The following ERBB4 variants were observed in gnomAD, a reference collection of about 807,000 sequenced individuals.
The protein encoded by ERBB4 is receptor tyrosine-protein kinase erbB-4.
A neutral mutation model predicts 158.0 loss-of-function variants in ERBB4; 42 were observed. That is an observed-to-expected ratio of 0.27 (90% CI 0.21 to 0.34). ERBB4 has a LOEUF of 0.34. ERBB4 is among the 10% of genes least tolerant of loss of function. The probability of loss-of-function intolerance (pLI) is 1.00; values close to 1 mark genes in which losing one functional copy is unlikely to be tolerated. For synonymous variants in ERBB4, 583 were observed against 558.7 expected, an observed-to-expected ratio of 1.04 and a Z score of -0.61; for missense variants, 1,333 against 1,624.1, an observed-to-expected ratio of 0.82 and a Z score of 3.08.
chr2:212,228,408 G>T (rs1278849951), intron 1 of ERBB4, among the ~76,000 whole-genome samples: 2 of 152,124 alleles, frequency 1.3e-5, no homozygotes, highest in Non-Finnish European at 2.9e-5. Context: ...ATATATCTTA[G>T]AGTACAATAC....
intron 1 of ERBB4, among the ~76,000 whole-genome samples, chr2:212,356,892 C>T (rs1371638550): frequency 2.6e-5 from 4 of 151,782 alleles, no homozygotes; most frequent in Admixed American, 2.0e-4. Context: ...CATAGAAACA[C>T]CATACTGACT....
intron 20 of ERBB4, among the ~76,000 whole-genome samples, chr2:211,464,892 TA>T (rs1490715051): frequency 1.3e-5 from 2 of 151,744 alleles, no homozygotes; most frequent in Non-Finnish European, 1.5e-5. Context: ...GATTGCATAT[TA>T]ACAAGCACAA....
At chr2:211,512,649 G>A (rs902757720) in intron 20 of ERBB4, among the ~76,000 whole-genome samples, 4 of 151,846 alleles carry the variant, frequency 2.6e-5, no homozygotes, top group South Asian at 2.1e-4. Context: ...GGCAAAACAC[G>A]TTTGCTTTTC....
intron 1 of ERBB4, among the ~76,000 whole-genome samples, chr2:212,275,491 T>C (rs190544095): frequency 1.3e-5 from 2 of 152,070 alleles, no homozygotes; most frequent in Admixed American, 6.6e-5. Context: ...GGTATCTCAT[T>C]GTGGTTTTGA....
At chr2:211,399,669 G>A (rs998003787) in intron 25 of ERBB4, among the ~76,000 whole-genome samples, 2 of 151,966 alleles carry the variant, frequency 1.3e-5, no homozygotes, top group African/African-American at 2.4e-5. Flanking sequence ...CTTACAAATG[G>A]GTGAGTGATT....
chr2:212,276,908 G>A (rs147744140), intron 1 of ERBB4, among the ~76,000 whole-genome samples: 187 of 151,916 alleles, frequency 1.2e-3, no homozygotes, highest in African/African-American at 4.4e-3. Flanking sequence ...ATGACATAGT[G>A]TTTAGTGTTC....
At chr2:212,462,742 C>A (rs1442038718) in intron 1 of ERBB4, among the ~76,000 whole-genome samples, 1 of 152,052 alleles carries the variant, frequency 6.6e-6, no homozygotes, top group Non-Finnish European at 1.5e-5. Context: ...TTCAGCAATT[C>A]CACTACTGGG....
At chr2:211,931,100 T>A (rs912902911) in intron 3 of ERBB4, among the ~76,000 whole-genome samples, 1 of 152,148 alleles carries the variant, frequency 6.6e-6, no homozygotes, top group Non-Finnish European at 1.5e-5. Context: ...GCACCACTGT[T>A]AAGCCTTGGC....
intron 1 of ERBB4, among the ~76,000 whole-genome samples, chr2:212,323,546 G>A (rs2087668618): frequency 6.7e-6 from 1 of 150,130 alleles, no homozygotes; most frequent in Non-Finnish European, 1.5e-5. Context: ...TCAGCTGTGT[G>A]GCCTTCAGGA....
rs185411441 is a variant in ERBB4 at position 212,466,149 on chromosome 2, A to G, written c.82+72300T>C. 1.6e-4 allele frequency among the ~76,000 whole-genome samples: 24 copies of G among 152,362 alleles called. No individual in the cohort carries two copies. In the East Asian group the frequency reaches 3.9e-3, roughly 24 times the overall value. On this transcript the variant is annotated intron_variant, in intron 1 of 27. Transcript: ENST00000342788. ...ACTTTAAAAGCTTAAAATCATAATT[A>G]TAATTCCAACAGTAGTGACTTTTGT...
At chr2:211,712,933 T>G (rs1008342251) in intron 8 of ERBB4, among the ~76,000 whole-genome samples, 3 of 152,092 alleles carry the variant, frequency 2.0e-5, no homozygotes, top group African/African-American at 7.2e-5. Flanking sequence ...GATTTAGACT[T>G]TATTTTCATC....
rs1245440985 is a variant in ERBB4 at position 211,381,821 on chromosome 2, A to G, written c.*1794T>C. On this transcript the variant is annotated 3_prime_UTR_variant, in exon 28 of 28. Coordinates refer to ENST00000342788, the MANE Select transcript of ERBB4 (RefSeq NM_005235.3). ...ATTCTAATTTGGTCCCAATATTTTA[A>G]CATTAGAAATATTTTTTAAAAATCT... 1 of 228,870 alleles carries G rather than the reference A, an allele frequency of 4.4e-6. No individual in the cohort carries two copies. The highest frequency in any genetic ancestry group is 2.2e-5 in the African/African-American group (1 of 45,110). 14.2% of individuals were successfully genotyped at this position (228,870 alleles called of 1,614,324 possible). A position where few individuals can be genotyped will look rare whatever the true frequency, so the allele number is the denominator to read the frequency against.
rs1397944945 is a variant in ERBB4 at position 211,735,725 on chromosome 2, G to A, written c.623-10531C>T. 7.9e-5 allele frequency among the ~76,000 whole-genome samples: 12 copies of A among 152,114 alleles called. No individual in the cohort carries two copies. In the East Asian group the frequency reaches 1.7e-3, roughly 22 times the overall value. On this transcript the variant is annotated intron_variant, in intron 5 of 27. Coordinates refer to ENST00000342788, the MANE Select transcript of ERBB4 (RefSeq NM_005235.3). The stretch of plus-strand genomic sequence containing the variant: ...AGACCCAGAGAGGGCCAACACTGAA[G>A]TCTATACCTCAGAAAAAGAGACCTT...
chr2:211,843,583 AT>A (rs1448413352), intron 3 of ERBB4, among the ~76,000 whole-genome samples: 1 of 125,856 alleles, frequency 7.9e-6, no homozygotes, highest in African/African-American at 2.9e-5. Context: ...TAAACAAGTG[AT>A]TGGATGGCAG....
At chr2:211,972,915 T>C (rs1318411231) in intron 2 of ERBB4, among the ~76,000 whole-genome samples, 2 of 152,092 alleles carry the variant, frequency 1.3e-5, no homozygotes, top group Non-Finnish European at 2.9e-5. Context: ...TGGGATATAA[T>C]TAAACTAAAG....
At chr2:211,625,282 A>C (rs1180331275) in intron 17 of ERBB4, among the ~76,000 whole-genome samples, 6 of 152,156 alleles carry the variant, frequency 3.9e-5, no homozygotes, top group Non-Finnish European at 5.9e-5. Context: ...ACTACTACTC[A>C]AACTGTCTTG....
At chr2:212,170,805 A>T (rs1234777002) in intron 1 of ERBB4, among the ~76,000 whole-genome samples, 1 of 152,166 alleles carries the variant, frequency 6.6e-6, no homozygotes, top group African/African-American at 2.4e-5. Flanking sequence ...ATTTCAGAGG[A>T]TGTATGGAAA....
At chr2:211,984,085 T>A (rs1210612067) in intron 2 of ERBB4, among the ~76,000 whole-genome samples, 1 of 152,092 alleles carries the variant, frequency 6.6e-6, no homozygotes, top group Non-Finnish European at 1.5e-5. Flanking sequence ...AAATCCAAGA[T>A]CAAGGTGCCA....
rs574983795 is a variant in ERBB4, at chr2:211,842,323, A to G, written c.422-54164T>C. 4.6e-5 allele frequency among the ~76,000 whole-genome samples: 7 copies of G among 152,024 alleles called. No homozygotes were observed. The South Asian group carries it at 6.2e-4, about 13-fold the overall frequency. On this transcript the variant is annotated intron_variant, in intron 3 of 27. Transcript: ENST00000342788. ...ATATTAGCAAACATTTTTCCTTGTT[A>G]ATACAATGTGTTTGAGATTTCAAAT... is the stretch of plus-strand genomic sequence containing the variant.
Sources: allele counts gnomAD v4.1 joint callset (sites outside exome capture counted in the v4.1 genomes callset), GRCh38; gene constraint gnomAD v4.1.1; transcripts MANE v1.5; gene names NCBI Gene and HGNC (gene_info 2026-07-23, HGNC 2026-07-21).